The following ST7 variants were observed in gnomAD, a reference collection of about 807,000 sequenced individuals.
ST7 encodes the protein suppression of tumorigenicity 7, also known as suppressor of tumorigenicity 7 protein.
ST7 carries 28 observed loss-of-function variants against 78.7 expected under a neutral mutation model. That is an observed-to-expected ratio of 0.36 (90% CI 0.26 to 0.49). ST7 has a LOEUF of 0.49. Among genes scored for constraint, ST7 ranks in the 20% least tolerant of loss-of-function variants. ST7 has a pLI of 0.99. For missense variants in ST7, 418 were observed against 696.0 expected (o/e 0.60, Z 4.49); for synonymous variants, 247 against 249.6 (o/e 0.99, Z 0.10).
intron 2 of ST7, among the ~76,000 whole-genome samples, chr7:117,102,483 G>A (rs903233389): frequency 6.6e-6 from 1 of 152,134 alleles, no homozygotes; most frequent in African/African-American, 2.4e-5. Context: ...TTTGGTGGAC[G>A]GAAGCCAGCA....
At chr7:117,125,291 T>C (rs1803741633) in intron 3 of ST7, among the ~76,000 whole-genome samples, 2 of 152,096 alleles carry the variant, frequency 1.3e-5, no homozygotes, top group African/African-American at 4.8e-5. Context: ...AAATGACCAA[T>C]GAGAAGTGCA....
intron 1 of ST7, among the ~76,000 whole-genome samples, chr7:117,069,667 C>G (rs1446832605): frequency 6.6e-6 from 1 of 152,186 alleles, no homozygotes; most frequent in Non-Finnish European, 1.5e-5. Flanking sequence ...CATCAAGAAA[C>G]AAGTACTTAA....
At chr7:116,966,156 A>G (rs1308595510) in intron 1 of ST7, 1 of 435,068 alleles carries the variant, frequency 2.3e-6, no homozygotes, top group Non-Finnish European at 4.7e-6. Flanking sequence ...ATATGTAGAC[A>G]TTAAGACAGT....
At chr7:116,974,985 A>G (rs1000929953) in intron 1 of ST7, among the ~76,000 whole-genome samples, 2 of 152,170 alleles carry the variant, frequency 1.3e-5, no homozygotes, top group African/African-American at 4.8e-5. Context: ...CCTGATTATA[A>G]GTAATATTTT....
At chr7:117,014,867 A>C (rs1795535768) in intron 1 of ST7, 1 of 594,874 alleles carries the variant, frequency 1.7e-6, no homozygotes. Context: ...AGAGATAAGC[A>C]GAAGTGTGGG....
At chr7:117,202,505 T>C (rs1810970047) in intron 12 of ST7, among the ~76,000 whole-genome samples, 1 of 152,138 alleles carries the variant, frequency 6.6e-6, no homozygotes, top group Non-Finnish European at 1.5e-5. Context: ...TTATTCTAGT[T>C]TCTTATGCCA....
chr7:116,996,207 G>A (rs910998749), intron 1 of ST7, among the ~76,000 whole-genome samples: 2 of 150,962 alleles, frequency 1.3e-5, no homozygotes, highest in African/African-American at 2.4e-5. Flanking sequence ...TCAGCCTCCC[G>A]AGTAGCTGGG....
At chr7:116,989,414 A>G (rs1045890484) in intron 1 of ST7, among the ~76,000 whole-genome samples, 4 of 152,184 alleles carry the variant, frequency 2.6e-5, no homozygotes, top group Non-Finnish European at 5.9e-5. Context: ...TCATTTATAT[A>G]TGAAGAAATT....
At chr7:117,137,168 A>G (rs1291053819) in intron 8 of ST7, 1 of 152,110 alleles carries the variant, frequency 6.6e-6, no homozygotes, top group Non-Finnish European at 1.5e-5. Context: ...GTTAACGTTA[A>G]ACTTGGGTTT....
chr7:117,112,934 C>T (rs904084194), intron 2 of ST7, among the ~76,000 whole-genome samples: 3 of 152,064 alleles, frequency 2.0e-5, no homozygotes, highest in Non-Finnish European at 4.4e-5. Context: ...TGCAGGGGAC[C>T]CCGTGTCAGG....
intron 12 of ST7, among the ~76,000 whole-genome samples, chr7:117,197,169 G>A (rs1810396909): frequency 6.6e-6 from 1 of 151,900 alleles, no homozygotes; most frequent in African/African-American, 2.4e-5. Context: ...AGAGTAGCTG[G>A]GACTATAGGT....
chr7:117,131,898 C>T lies in ST7; in HGVS notation c.579C>T (p.Ala193=), dbSNP rs754146414. Residue 193 remains alanine (A), a synonymous_variant, in exon 6 of 16, where the codon GCC becomes GCT. Transcript: ENST00000323984. ...TTTCTTAAATAGTAATGCAGAAAGC[C>T]TGGAGAGAGAGAAACCCCCAAGCTA... ...LRPADAIMQK[A]WRERNPQARI... 5 of 1,610,956 alleles carry T rather than the reference C, an allele frequency of 3.1e-6. No homozygotes were observed. The highest frequency in any genetic ancestry group is 4.2e-6 in the Non-Finnish European group (5 of 1,178,054).
chr7:117,222,805 G>A (rs759354174), intron 15 of ST7: 3 of 1,308,048 alleles, frequency 2.3e-6, no homozygotes, highest in Non-Finnish European at 3.3e-6. Flanking sequence ...TTCAAGGCGA[G>A]TGCAATCAGA....
At chr7:117,031,740 G>A (rs71544776) in intron 1 of ST7, among the ~76,000 whole-genome samples, 7 of 3,834 alleles carry the variant, frequency 1.8e-3, no homozygotes, top group African/African-American at 7.6e-3. Context: ...ATGCATATAT[G>A]TGTATATATA....
At chr7:117,184,692 A>G (rs1809081886) in intron 10 of ST7, among the ~76,000 whole-genome samples, 2 of 152,192 alleles carry the variant, frequency 1.3e-5, no homozygotes, top group Non-Finnish European at 2.9e-5. Context: ...GAACAGATCT[A>G]TATCTTGGTG....
intron 10 of ST7, among the ~76,000 whole-genome samples, chr7:117,185,798 C>CAA (rs760262317): frequency 2.0e-5 from 3 of 152,164 alleles, no homozygotes; most frequent in Non-Finnish European, 4.4e-5. Context: ...TGGCGCATGC[C>CAA]TGTAATCCCA....
intron 1 of ST7, among the ~76,000 whole-genome samples, chr7:117,040,780 T>C (rs537821976): frequency 1.8e-4 from 28 of 152,224 alleles, no homozygotes; most frequent in Non-Finnish European, 3.7e-4. Flanking sequence ...CTTCCATATT[T>C]GCATTTAAAA....
chr7:117,203,166 A>G (rs1280512788), intron 12 of ST7, among the ~76,000 whole-genome samples: 1 of 152,204 alleles, frequency 6.6e-6, no homozygotes, highest in Non-Finnish European at 1.5e-5. Context: ...AGGTCAGGGC[A>G]CCCTCTGGAG....
chr7:116,985,755 G>C (rs1794162802), intron 1 of ST7, among the ~76,000 whole-genome samples: 1 of 152,224 alleles, frequency 6.6e-6, no homozygotes, highest in African/African-American at 2.4e-5. Flanking sequence ...ATCCCTGCTA[G>C]AGATTTGCTA....
Sources: gnomAD v4.1 joint callset for allele counts (sites outside exome capture counted in the v4.1 genomes callset) on GRCh38, gnomAD v4.1.1 for gene constraint, MANE v1.5 for transcripts, NCBI Gene and HGNC (gene_info 2026-07-23, HGNC 2026-07-21) for gene names.